RCOR1: variants seen among roughly 807,000 people sequenced by gnomAD.
The protein encoded by RCOR1 is REST corepressor 1, also known as REST corepressor.
A neutral mutation model predicts 64.0 loss-of-function variants in RCOR1; 12 were observed. The observed-to-expected ratio is 0.19, with a 90% confidence interval of 0.12 to 0.30. RCOR1 has a LOEUF of 0.30. Among genes scored for constraint, RCOR1 ranks in the 10% least tolerant of loss-of-function variants. The pLI is 1.00. For synonymous variants in RCOR1, 279 were observed against 227.2 expected (o/e 1.23, Z -2.05); for missense variants, 502 against 621.2 (o/e 0.81, Z 2.04).
At chr14:102,698,704 T>G (rs1273442821) in intron 3 of RCOR1, among the ~76,000 whole-genome samples, 3 of 152,186 alleles carry the variant, frequency 2.0e-5, no homozygotes, top group Non-Finnish European at 4.4e-5. Flanking sequence ...GCTGTCTGTT[T>G]CTAGGTCTGG....
chr14:102,689,797 G>T (rs2139968298), intron 3 of RCOR1, among the ~76,000 whole-genome samples: 1 of 152,314 alleles, frequency 6.6e-6, no homozygotes, highest in African/African-American at 2.4e-5. Context: ...GGGCTAGAGT[G>T]CAGTGGCGCA....
At chr14:102,605,068 A>C (rs1893477711) in intron 2 of RCOR1, among the ~76,000 whole-genome samples, 1 of 7,606 alleles carries the variant, frequency 1.3e-4, no homozygotes. Flanking sequence ...ATTCCATCTC[A>C]AAAAAAAAAA....
intron 2 of RCOR1, among the ~76,000 whole-genome samples, chr14:102,606,627 GTTT>G (rs1307882389): frequency 7.2e-6 from 1 of 139,386 alleles, no homozygotes; most frequent in Non-Finnish European, 1.6e-5. Flanking sequence ...CAGGTTTTAA[GTTT>G]TTTTTTTTTT....
At chr14:102,712,609 C>T (rs1374096239) in intron 7 of RCOR1, among the ~76,000 whole-genome samples, 4 of 150,564 alleles carry the variant, frequency 2.7e-5, no homozygotes, top group Non-Finnish European at 4.4e-5. Flanking sequence ...TCATTAGAAC[C>T]GATTCCTGGA....
intron 2 of RCOR1, among the ~76,000 whole-genome samples, chr14:102,606,749 C>T (rs1244411098): frequency 1.3e-5 from 2 of 148,428 alleles, no homozygotes; most frequent in Non-Finnish European, 3.0e-5. Context: ...GATCCTCCTG[C>T]CTCAGCCTCC....
intron 2 of RCOR1, among the ~76,000 whole-genome samples, chr14:102,673,533 C>T (rs1050518391): frequency 6.6e-6 from 1 of 151,864 alleles, no homozygotes; most frequent in Non-Finnish European, 1.5e-5. Context: ...GACGGGGTTT[C>T]ACTGTGTTAG....
chr14:102,696,707 CT>C (rs1567439126), intron 3 of RCOR1, among the ~76,000 whole-genome samples: 1 of 151,728 alleles, frequency 6.6e-6, no homozygotes, highest in Non-Finnish European at 1.5e-5. Flanking sequence ...ACGGATCCCT[CT>C]TTTCTTTAAG....
intron 2 of RCOR1, among the ~76,000 whole-genome samples, chr14:102,665,330 T>TTTTTAA (rs1894898152): frequency 7.0e-6 from 1 of 142,020 alleles, no homozygotes; most frequent in Non-Finnish European, 1.5e-5. Flanking sequence ...TTTTTTTTTT[T>TTTTTAA]AAATAAAATA....
At chr14:102,629,188 C>G (rs1251505923) in intron 2 of RCOR1, among the ~76,000 whole-genome samples, 1 of 152,152 alleles carries the variant, frequency 6.6e-6, no homozygotes, top group African/African-American at 2.4e-5. Context: ...TCCACATAGC[C>G]CATGGCCTTA....
intron 2 of RCOR1, among the ~76,000 whole-genome samples, chr14:102,624,428 C>T (rs537705721): frequency 6.6e-6 from 1 of 152,018 alleles, no homozygotes; most frequent in African/African-American, 2.4e-5. Context: ...TCTCTTGAAC[C>T]CAGGAGGCAG....
intron 2 of RCOR1, among the ~76,000 whole-genome samples, chr14:102,668,523 A>T (rs1894962451): frequency 6.6e-6 from 1 of 152,214 alleles, no homozygotes; most frequent in Non-Finnish European, 1.5e-5. Context: ...CAGTTGTGGC[A>T]TGATAGTTTC....
At chr14:102,672,455 G>C (rs546670145) in intron 2 of RCOR1, among the ~76,000 whole-genome samples, 2 of 151,894 alleles carry the variant, frequency 1.3e-5, no homozygotes, top group Non-Finnish European at 2.9e-5. Context: ...CTCATGATCC[G>C]CCCGCCTCGG....
At chr14:102,707,615 A>AT in intron 5 of RCOR1, 103 bp downstream of exon 5, 1 of 1,017,838 alleles carries the variant, frequency 9.8e-7, no homozygotes, top group East Asian at 2.5e-5. Context: ...AAATATTCCC[A>AT]TTTTTGATAA....
At chr14:102,676,742 A>T (rs1418855940) in intron 2 of RCOR1, among the ~76,000 whole-genome samples, 1 of 31,396 alleles carries the variant, frequency 3.2e-5, no homozygotes, top group Non-Finnish European at 6.2e-5. Flanking sequence ...GACCCCCCCC[A>T]CCTCCCTCCC....
At chr14:102,678,407 C>G (rs925782093) in intron 2 of RCOR1, among the ~76,000 whole-genome samples, 1 of 152,174 alleles carries the variant, frequency 6.6e-6, no homozygotes, top group African/African-American at 2.4e-5. Context: ...TCAAGCCATT[C>G]TCCTGCCTCA....
chr14:102,634,243 C>T (rs141236537), intron 2 of RCOR1, among the ~76,000 whole-genome samples: 11 of 152,154 alleles, frequency 7.2e-5, no homozygotes, highest in African/African-American at 2.7e-4. Context: ...CTTCATGGCT[C>T]ACACCTGTAA....
intron 2 of RCOR1, among the ~76,000 whole-genome samples, chr14:102,616,479 C>T (rs1325368501): frequency 6.6e-6 from 1 of 152,084 alleles, no homozygotes; most frequent in Non-Finnish European, 1.5e-5. Flanking sequence ...CTGTATTGCC[C>T]AGGCTGGTCT....
chr14:102,708,977 A>AC (rs1895909591), intron 6 of RCOR1, among the ~76,000 whole-genome samples: 1 of 150,734 alleles, frequency 6.6e-6, no homozygotes, highest in Non-Finnish European at 1.5e-5. Flanking sequence ...TCTTTTTTTG[A>AC]CCATCTGTTT....
At chr14:102,714,885 G>T (rs889172217) in intron 8 of RCOR1, among the ~76,000 whole-genome samples, 1 of 152,084 alleles carries the variant, frequency 6.6e-6, no homozygotes, top group East Asian at 1.9e-4. Flanking sequence ...ATATGTGTCT[G>T]TGTCTCCATG....
Sources: gnomAD v4.1 joint callset for allele counts (sites outside exome capture counted in the v4.1 genomes callset) on GRCh38, gnomAD v4.1.1 for gene constraint, MANE v1.5 for transcripts, NCBI Gene and HGNC (gene_info 2026-07-23, HGNC 2026-07-21) for gene names.